Variants in CRPPA observed in about 807,000 individuals in gnomAD.
CRPPA encodes CDP-L-ribitol pyrophosphorylase A.
CRPPA carries 43 observed loss-of-function variants against 52.0 expected under a neutral mutation model. The ratio of observed to expected loss-of-function variants is 0.83; its 90% CI spans 0.65 to 1.07. The LOEUF is 1.07. Ranked by LOEUF, CRPPA falls within the 50% of genes least tolerant of loss-of-function variation. The probability of loss-of-function intolerance (pLI) is 0.00; values close to 1 mark genes in which losing one functional copy is unlikely to be tolerated. For missense variants in CRPPA, 629 were observed against 551.7 expected (o/e 1.14, Z -1.40); for synonymous variants, 250 against 203.5 (o/e 1.23, Z -1.94).
At chr7:16,170,809 A>C (rs565678842) in intron 9 of CRPPA, among the ~76,000 whole-genome samples, 2 of 152,308 alleles carry the variant, frequency 1.3e-5, no homozygotes, top group East Asian at 3.9e-4. Flanking sequence ...CACCCTATGC[A>C]GCTACTGGCC....
At chr7:16,323,184 G>C (rs781527220) in intron 3 of CRPPA, among the ~76,000 whole-genome samples, 7 of 152,168 alleles carry the variant, frequency 4.6e-5, no homozygotes, top group Admixed American at 3.3e-4. Flanking sequence ...CAGATAAAGA[G>C]ATGCTGAGCA....
intron 4 of CRPPA, among the ~76,000 whole-genome samples, chr7:16,303,491 A>AAAAAAAAAAAAAAAAAAC (rs766268683): frequency 1.6e-5 from 2 of 124,936 alleles, no homozygotes; most frequent in African/African-American, 2.6e-5. Flanking sequence ...AAAAAAAAAA[A>AAAAAAAAAAAAAAAAAAC]AAAAAAAAAA....
chr7:16,091,722 TC>T lies in CRPPA; in HGVS notation c.1328del (p.Gly443AspfsTer7). ...ATGCTATCAGAAGCTGACCAATGAG[TC>T]CAGAATTTCTTTCCTTGATTAATGA... ...IASLIKERNS[G>X]LIGQLLIA is the part of the protein sequence containing the mutation. On this transcript the variant is annotated frameshift_variant, in exon 10 of 10. Transcript: ENST00000407010. LOFTEE classifies it high-confidence loss of function. The T allele has an allele frequency of 6.4e-7, 1 of 1,559,604 alleles. No individual in the cohort carries two copies.
chr7:16,206,721 A>T (rs1158910711), intron 9 of CRPPA, among the ~76,000 whole-genome samples: 1 of 152,150 alleles, frequency 6.6e-6, no homozygotes, highest in Non-Finnish European at 1.5e-5. Context: ...GATTACAAAC[A>T]TACATATAAA....
chr7:16,174,704 A>AT (rs1781259234), intron 9 of CRPPA, among the ~76,000 whole-genome samples: 2 of 152,020 alleles, frequency 1.3e-5, no homozygotes. Flanking sequence ...CATAATTTCC[A>AT]TTTTTTCAAA....
intron 2 of CRPPA, among the ~76,000 whole-genome samples, chr7:16,378,313 ATGTGTTCCCAT>A (rs1786962252): frequency 8.3e-6 from 1 of 119,786 alleles, no homozygotes; most frequent in South Asian, 2.8e-4. Context: ...TCCTGTGTCC[ATGTGTTCCCAT>A]TGTTCAATTC....
intron 2 of CRPPA, among the ~76,000 whole-genome samples, chr7:16,405,083 T>A (rs1427829540): frequency 6.6e-6 from 1 of 151,924 alleles, no homozygotes; most frequent in East Asian, 1.9e-4. Flanking sequence ...AGACTGTCTT[T>A]CCTAAATAGG....
intron 1 of CRPPA, among the ~76,000 whole-genome samples, chr7:16,408,184 T>C (rs1243581466): frequency 1.3e-5 from 2 of 151,234 alleles, no homozygotes; most frequent in African/African-American, 2.4e-5. Flanking sequence ...CTTACAGACA[T>C]GAAACAAAAA....
intron 9 of CRPPA, among the ~76,000 whole-genome samples, chr7:16,109,366 C>G (rs189593285): frequency 1.3e-5 from 2 of 151,450 alleles, no homozygotes; most frequent in Admixed American, 6.6e-5. Flanking sequence ...CATGAAGAAA[C>G]GGAAAATAAG....
intron 9 of CRPPA, among the ~76,000 whole-genome samples, chr7:16,131,104 C>G (rs1474753625): frequency 6.6e-6 from 1 of 152,196 alleles, no homozygotes; most frequent in Non-Finnish European, 1.5e-5. Context: ...GTCTATTGTA[C>G]TGTTATAGCA....
At chr7:16,205,442 T>C (rs1245073397) in intron 9 of CRPPA, among the ~76,000 whole-genome samples, 1 of 152,118 alleles carries the variant, frequency 6.6e-6, no homozygotes, top group Non-Finnish European at 1.5e-5. Flanking sequence ...TTGTTAAAAA[T>C]TACACCCCCC....
intron 9 of CRPPA, among the ~76,000 whole-genome samples, chr7:16,194,816 G>A (rs564988612): frequency 4.0e-5 from 6 of 149,688 alleles, no homozygotes; most frequent in Admixed American, 1.4e-4. Context: ...ATTATGCTCC[G>A]GTGAGTTTAA....
chr7:16,110,690 G>A (rs1782242793), intron 9 of CRPPA, among the ~76,000 whole-genome samples: 1 of 152,086 alleles, frequency 6.6e-6, no homozygotes, highest in Non-Finnish European at 1.5e-5. Flanking sequence ...AACACATAAT[G>A]TGAAACGGAT....
chr7:16,226,456 A>G (rs942391378), intron 8 of CRPPA, among the ~76,000 whole-genome samples: 47 of 151,898 alleles, frequency 3.1e-4, no homozygotes, highest in South Asian at 2.1e-4. Flanking sequence ...TTTTCCATGA[A>G]GGTACATCAT....
chr7:16,292,128 T>C (rs752534454), intron 5 of CRPPA, among the ~76,000 whole-genome samples: 9 of 151,952 alleles, frequency 5.9e-5, no homozygotes, highest in Non-Finnish European at 1.2e-4. Context: ...CTCATTTGCA[T>C]AGTTATATTA....
In CRPPA at chr7:16,112,922, T is replaced by C. The variant is rs1383738569; in HGVS notation, c.1252-21123A>G. Among the ~76,000 whole-genome samples, 4 of 151,860 alleles carry C rather than the reference T, an allele frequency of 2.6e-5. No homozygotes were observed. In the East Asian group the frequency reaches 5.8e-4, roughly 22 times the overall value. ...TATGTAGTTAGGCAAGACAGACAAA[T>C]ACATAAATACAGAAATGCATTCATA... On this transcript the variant is annotated intron_variant, in intron 9 of 9. Coordinates refer to ENST00000407010, the MANE Select transcript of CRPPA (RefSeq NM_001101426.4).
chr7:16,414,399 ACACC>A (rs1177532560), intron 1 of CRPPA, among the ~76,000 whole-genome samples: 1 of 130,732 alleles, frequency 7.6e-6, no homozygotes, highest in Non-Finnish European at 1.6e-5. Flanking sequence ...ACACACACAC[ACACC>A]CCATGACACT....
chr7:16,397,760 C>T (rs368871854), intron 2 of CRPPA, among the ~76,000 whole-genome samples: 4 of 152,308 alleles, frequency 2.6e-5, no homozygotes, highest in South Asian at 4.1e-4. Flanking sequence ...ACGATTGGCA[C>T]GTGATTGGCA....
chr7:16,095,901 T>A (rs921074053), intron 9 of CRPPA, among the ~76,000 whole-genome samples: 1 of 152,184 alleles, frequency 6.6e-6, no homozygotes, highest in Non-Finnish European at 1.5e-5. Context: ...CAACGAGGCC[T>A]AGCAGAGAAT....
Sources: gnomAD v4.1 joint callset for allele counts (sites outside exome capture counted in the v4.1 genomes callset) on GRCh38, gnomAD v4.1.1 for gene constraint, MANE v1.5 for transcripts, NCBI Gene and HGNC (gene_info 2026-07-23, HGNC 2026-07-21) for gene names.